Variants in MED13L observed in about 807,000 individuals in gnomAD.
MED13L encodes the protein mediator complex subunit 13L, also known as mediator of RNA polymerase II transcription subunit 13-like.
MED13L carries 7 observed loss-of-function variants against 220.9 expected under a neutral mutation model. The observed-to-expected ratio is 0.03, with a 90% CI of 0.02 to 0.06. The LOEUF is 0.06. Ranked by LOEUF, MED13L falls within the 10% of genes least tolerant of loss-of-function variation. The probability of loss-of-function intolerance (pLI) is 1.00; values close to 1 mark genes in which losing one functional copy is unlikely to be tolerated. For synonymous variants in MED13L, 1,011 were observed against 1,015.2 expected (o/e 1.00, Z 0.08); for missense variants, 1,965 against 2,760.5 (o/e 0.71, Z 6.46).
chr12:116,116,545 T>TA (rs1452989284), intron 2 of MED13L, among the ~76,000 whole-genome samples: 1 of 152,032 alleles, frequency 6.6e-6, no homozygotes, highest in Admixed American at 6.6e-5. Context: ...AGTTTTCCCC[T>TA]GAGTTCTGTG....
intron 26 of MED13L, among the ~76,000 whole-genome samples, chr12:115,971,419 G>C (rs570512436): frequency 6.6e-6 from 1 of 152,152 alleles, no homozygotes; most frequent in Non-Finnish European, 1.5e-5. Context: ...ACTTTTATAA[G>C]GAATAAGTGG....
intron 2 of MED13L, among the ~76,000 whole-genome samples, chr12:116,158,206 G>T (rs927416123): frequency 1.1e-4 from 16 of 151,340 alleles, no homozygotes; most frequent in African/African-American, 3.6e-4. Context: ...TCTACATACT[G>T]CAAGACAAGG....
chr12:116,207,782 A>C (rs1478403423), intron 2 of MED13L, among the ~76,000 whole-genome samples: 8 of 152,190 alleles, frequency 5.3e-5, no homozygotes, highest in Non-Finnish European at 8.8e-5. Context: ...GTTTTAAAAA[A>C]AGAAAAAAAA....
chr12:115,964,285 C>T (rs1363845203), intron 29 of MED13L, among the ~76,000 whole-genome samples: 2 of 152,132 alleles, frequency 1.3e-5, no homozygotes, highest in Non-Finnish European at 2.9e-5. Context: ...AGATAATGCT[C>T]CATTATCTCA....
chr12:116,276,672 G>A (rs900342827), intron 1 of MED13L: 31 of 1,191,156 alleles, frequency 2.6e-5, no homozygotes, highest in Non-Finnish European at 3.3e-5. Context: ...GTTGCCGATC[G>A]GAGGCGCGGC....
intron 2 of MED13L, among the ~76,000 whole-genome samples, chr12:116,229,147 G>A (rs1869298080): frequency 6.6e-6 from 1 of 152,054 alleles, no homozygotes; most frequent in Non-Finnish European, 1.5e-5. Flanking sequence ...ATACACAAAT[G>A]GTGAGGGGGG....
chr12:116,217,590 G>C (rs1212366668), intron 2 of MED13L, among the ~76,000 whole-genome samples: 1 of 152,130 alleles, frequency 6.6e-6, no homozygotes, highest in African/African-American at 2.4e-5. Context: ...GCAGGAACAA[G>C]AACTTTGAAG....
intron 1 of MED13L, among the ~76,000 whole-genome samples, chr12:116,240,656 C>T (rs536543331): frequency 6.6e-6 from 1 of 151,988 alleles, no homozygotes; most frequent in South Asian, 2.1e-4. Flanking sequence ...CCTCAGCCTC[C>T]CGAGTAGCTG....
intron 3 of MED13L, among the ~76,000 whole-genome samples, chr12:116,106,206 C>G (rs1873560331): frequency 6.6e-6 from 1 of 152,178 alleles, no homozygotes; most frequent in Non-Finnish European, 1.5e-5. Context: ...TCATAAAACA[C>G]TTATGGTATC....
intron 29 of MED13L, among the ~76,000 whole-genome samples, chr12:115,964,669 C>T (rs1166164015): frequency 6.6e-6 from 1 of 152,166 alleles, no homozygotes; most frequent in Admixed American, 6.5e-5. Context: ...AATGATCACA[C>T]TGTCCCATCC....
At chr12:116,229,992 T>G (rs1565939467) in intron 2 of MED13L, among the ~76,000 whole-genome samples, 1 of 152,218 alleles carries the variant, frequency 6.6e-6, no homozygotes, top group African/African-American at 2.4e-5. Context: ...GTATACTTTA[T>G]AAACTACTTA....
chr12:115,983,381 G>A lies in MED13L; in HGVS notation c.4691C>T (p.Pro1564Leu), dbSNP rs112709561. ...ATTTGTAGAACTACTATTCGAGGTG[G>A]GATTAAATGCACTGCCAGCTGGGGG... is the stretch of plus-strand genomic sequence containing the variant. ...AAPPAGSAFN[P>L]TSNSSSTNPA... Residue 1564 changes from proline to leucine, a missense_variant, in exon 21 of 31, where the codon CCC becomes CTC. Physicochemically the swap from Pro to Leu is moderately conservative, Grantham distance 98. Around this residue, in one of 10 missense-constraint regions of MED13L, gnomAD observed 510 missense variants for 620.4 expected, o/e 0.82. Transcript: ENST00000281928. The A allele has an allele frequency of 6.8e-4, 1,099 of 1,614,060 alleles. 1 individual carries two copies. The highest frequency in any genetic ancestry group is 9.0e-4 in the Non-Finnish European group (1,062 of 1,180,030).
intron 2 of MED13L, among the ~76,000 whole-genome samples, chr12:116,164,887 G>T (rs1048510124): frequency 1.3e-5 from 2 of 152,190 alleles, no homozygotes; most frequent in Admixed American, 1.3e-4. Flanking sequence ...TTTACTTTCA[G>T]TCTTTTGTTC....
intron 4 of MED13L, among the ~76,000 whole-genome samples, chr12:116,025,230 C>A (rs141720037): frequency 6.6e-6 from 1 of 152,160 alleles, no homozygotes; most frequent in Admixed American, 6.5e-5. Context: ...TAACAGATAA[C>A]AAGTGTTGGC....
intron 4 of MED13L, among the ~76,000 whole-genome samples, chr12:116,038,229 T>C (rs943512250): frequency 6.6e-6 from 1 of 151,804 alleles, no homozygotes; most frequent in African/African-American, 2.4e-5. Flanking sequence ...ACTTTAAAGA[T>C]AGGGACAAGC....
chr12:116,137,500 T>C (rs1469391832), intron 2 of MED13L, among the ~76,000 whole-genome samples: 1 of 152,116 alleles, frequency 6.6e-6, no homozygotes, highest in Admixed American at 6.5e-5. Flanking sequence ...AAACAAAGTA[T>C]GGGCCTTTGG....
At chr12:115,970,821 G>A in intron 26 of MED13L, 51 bp from the exon 27 acceptor site, 2 of 1,530,872 alleles carry the variant, frequency 1.3e-6, no homozygotes, top group Non-Finnish European at 1.8e-6. Flanking sequence ...CCCCAGAAAT[G>A]AGGTTTTCAG....
intron 5 of MED13L, 96 bp downstream of exon 5, chr12:116,022,360 T>C (rs1880107804): frequency 2.8e-6 from 4 of 1,429,250 alleles, no homozygotes; most frequent in Non-Finnish European, 3.9e-6. Context: ...AAAATGTCCA[T>C]TTAAGATAAG....
chr12:116,060,209 T>C (rs1299319236), intron 4 of MED13L, among the ~76,000 whole-genome samples: 1 of 152,064 alleles, frequency 6.6e-6, no homozygotes, highest in East Asian at 1.9e-4. Context: ...CTGTCTCAAG[T>C]AGTTGCCACT....
Sources: allele counts gnomAD v4.1 joint callset (sites outside exome capture counted in the v4.1 genomes callset), GRCh38; gene constraint gnomAD v4.1.1; regional missense constraint gnomAD v4.1.1; transcripts MANE v1.5; gene names NCBI Gene and HGNC (gene_info 2026-07-23, HGNC 2026-07-21).